Variants in HIRA observed in about 807,000 individuals in gnomAD.
HIRA encodes protein HIRA.
HIRA carries 13 observed loss-of-function variants against 126.6 expected under a neutral mutation model. The observed-to-expected ratio is 0.10, with a 90% confidence interval of 0.07 to 0.16. HIRA has a LOEUF of 0.16. Ranked by LOEUF, HIRA falls within the 10% of genes least tolerant of loss-of-function variation. The pLI, the probability that HIRA is intolerant of heterozygous loss-of-function variation, is 1.00. For synonymous variants in HIRA, 511 were observed against 520.0 expected, an observed-to-expected ratio of 0.98 and a Z score of 0.24; for missense variants, 834 against 1,314.4, an observed-to-expected ratio of 0.63 and a Z score of 5.65.
chr22:19,370,680 A>C (rs904679353), intron 15 of HIRA, among the ~76,000 whole-genome samples: 4 of 152,058 alleles, frequency 2.6e-5, no homozygotes, highest in Admixed American at 1.3e-4. Flanking sequence ...GTTTTATTTC[A>C]TTTTCCTCAT....
chr22:19,387,789 T>C lies in HIRA; in HGVS notation c.1035A>G (p.Val345=), dbSNP rs2089140195. 1 of 1,613,580 alleles carries C rather than the reference T, an allele frequency of 6.2e-7. No individual in the cohort carries two copies. The highest frequency in any genetic ancestry group is 8.5e-7 in the Non-Finnish European group (1 of 1,179,824). Residue 345 remains valine (V), a synonymous_variant, in exon 11 of 25, where the codon GTA becomes GTG. Coordinates refer to ENST00000263208, the MANE Select transcript of HIRA (RefSeq NM_003325.4). ...ATGCCACAGAGCCGTCCATAGAGCATACCAAGATGCCCAGCCCATTCAGAG... is the reference window on the plus strand; with the variant it reads ...ATGCCACAGAGCCGTCCATAGAGCACACCAAGATGCCCAGCCCATTCAGAG... ...SWTLNGLGIL[V]CSMDGSVAFL... is the part of the protein sequence containing the mutation.
At chr22:19,407,046 G>A (rs2089313870) in intron 4 of HIRA, 138 bp downstream of exon 4, 1 of 672,074 alleles carries the variant, frequency 1.5e-6, no homozygotes, top group Admixed American at 2.4e-5. Context: ...ACCTGCTCCT[G>A]ACCTACATGC....
At position 19,331,512 on chromosome 22, in the gene HIRA, G is replaced by A. The variant is rs782551775; in HGVS notation, c.2982C>T (p.Ile994=). 40 of 1,612,774 alleles carry A rather than the reference G, an allele frequency of 2.5e-5. No homozygotes were observed. Among genetic ancestry groups the A allele is most frequent in the Non-Finnish European group, 3.2e-5 (38 of 1,179,104 alleles). ...RELLKELLPV[I]GQNLRFQRLF... ...GGCGCTGGAATCGGAGGTTCTGCCC[G>A]ATGACTGGTAGCAGCTCCTTCAGCA... Residue 994 remains isoleucine (I), a synonymous_variant, in exon 25 of 25, where the codon ATC becomes ATT. Transcript: ENST00000263208.
chr22:19,407,752 C>A (rs2089319822), intron 3 of HIRA, among the ~76,000 whole-genome samples: 1 of 152,182 alleles, frequency 6.6e-6, no homozygotes, highest in Non-Finnish European at 1.5e-5. Context: ...AGCCCTGTCA[C>A]ATTCGGATTT....
chr22:19,398,189 C>T, intron 5 of HIRA, 102 bp from the exon 6 acceptor site: 3 of 790,822 alleles, frequency 3.8e-6, no homozygotes, highest in Non-Finnish European at 6.2e-6. Context: ...CATAACCACT[C>T]TGGTATTTTT....
At chr22:19,339,817 T>A (rs2088607225) in intron 24 of HIRA, among the ~76,000 whole-genome samples, 1 of 152,020 alleles carries the variant, frequency 6.6e-6, no homozygotes, top group Non-Finnish European at 1.5e-5. Flanking sequence ...CTAGATTCAT[T>A]CAGGAAAAAA....
At chr22:19,356,342 G>T in intron 19 of HIRA, 54 bp from the exon 20 acceptor site, 1 of 1,523,354 alleles carries the variant, frequency 6.6e-7, no homozygotes, top group Non-Finnish European at 9.1e-7. Context: ...ACACATCAGA[G>T]TGTGCCTTGG....
chr22:19,341,682 C>CA (rs1556007575), intron 24 of HIRA, among the ~76,000 whole-genome samples: 1 of 152,042 alleles, frequency 6.6e-6, no homozygotes, highest in Non-Finnish European at 1.5e-5. Context: ...ACAAAGCAAA[C>CA]AAAAATACAG....
intron 1 of HIRA, among the ~76,000 whole-genome samples, chr22:19,429,938 T>G (rs540449002): frequency 6.6e-6 from 1 of 152,194 alleles, no homozygotes; most frequent in Admixed American, 6.5e-5. Context: ...ACAATATTTG[T>G]CCAGTTCTCC....
chr22:19,336,982 T>G (rs1458011280), intron 24 of HIRA, among the ~76,000 whole-genome samples: 1 of 152,142 alleles, frequency 6.6e-6, no homozygotes. Context: ...CAAAACAAGG[T>G]TCTATAATAC....
chr22:19,356,284 C>T lies in HIRA; in HGVS notation c.2401G>A (p.Val801Ile), dbSNP rs2088811261. The change falls in exon 20 of 25, where the codon GTT (valine) becomes ATT (isoleucine). Residue 801 changes from valine to isoleucine, a missense_variant. Around this residue, in one of 5 missense-constraint regions of HIRA, gnomAD observed 468 missense variants for 574.2 expected, o/e 0.82. Transcript: ENST00000263208. ...TAAATLSVWD[V>I]HRQVVVVKEE... The stretch of plus-strand genomic sequence containing the variant: ...TTCACCACAACCACCTGTCTGTGAA[C>T]ATCCCTAGGAGGGAGACAGGGAACA... 1.2e-6 allele frequency: 2 copies of T among 1,613,902 alleles called. No homozygotes were observed. Among genetic ancestry groups the T allele is most frequent in the Non-Finnish European group, 1.7e-6 (2 of 1,179,850 alleles).
intron 24 of HIRA, 129 bp from the exon 25 acceptor site, chr22:19,331,685 G>C: frequency 1.2e-6 from 1 of 836,552 alleles, no homozygotes; most frequent in East Asian, 2.5e-5. Flanking sequence ...CTCTGCAGGT[G>C]AGAAACTGTG....
intron 5 of HIRA, chr22:19,399,113 T>C: frequency 1.0e-6 from 1 of 985,344 alleles, no homozygotes; most frequent in Non-Finnish European, 1.2e-6. Context: ...GTGACGATGG[T>C]GCCAACCTTG....
intron 15 of HIRA, among the ~76,000 whole-genome samples, chr22:19,375,225 G>C (rs2089006636): frequency 6.6e-6 from 1 of 152,134 alleles, no homozygotes; most frequent in African/African-American, 2.4e-5. Context: ...CTCTACCTCT[G>C]GTCAGTTTCT....
chr22:19,382,094 T>C (rs2089079026), intron 13 of HIRA, among the ~76,000 whole-genome samples: 1 of 152,260 alleles, frequency 6.6e-6, no homozygotes, highest in African/African-American at 2.4e-5. Flanking sequence ...TTATGCTTTT[T>C]CTCTTCTTTC....
In HIRA at chr22:19,360,609, C is replaced by T. The variant is rs997914116; in HGVS notation, c.2085+628G>A. Among the ~76,000 whole-genome samples the T allele has an allele frequency of 1.2e-4, 19 of 152,246 alleles. 2 individuals carry two copies. The highest frequency in any genetic ancestry group is 3.4e-3 in the Middle Eastern group (1 of 294). ...GGTCCAAGAAGGCTGCTCGAGGACA[C>T]GCACCTGAGCTGAGGTACAAGGGTA... On this transcript the variant is annotated intron_variant, in intron 17 of 24. Coordinates refer to ENST00000263208, the MANE Select transcript of HIRA (RefSeq NM_003325.4).
chr22:19,353,939 C>T lies in HIRA; in HGVS notation c.2684+57G>A, dbSNP rs2088784739. The T allele has an allele frequency of 4.4e-6, 7 of 1,593,544 alleles. No homozygotes were observed. The Admixed American group carries it at 8.6e-5, about 20-fold the overall frequency. ...GGCAGGGACTGTGCGTGCACTGACCCAGGCACTTCCCCAGGGCAGGACTAA... is the reference window on the plus strand; with the variant it reads ...GGCAGGGACTGTGCGTGCACTGACCTAGGCACTTCCCCAGGGCAGGACTAA... On this transcript the variant is annotated intron_variant, in intron 22 of 24. Coordinates refer to ENST00000263208, the MANE Select transcript of HIRA (RefSeq NM_003325.4).
intron 24 of HIRA, among the ~76,000 whole-genome samples, chr22:19,342,258 A>G (rs1387857088): frequency 6.6e-6 from 1 of 152,168 alleles, no homozygotes; most frequent in Non-Finnish European, 1.5e-5. Flanking sequence ...ATGACATACC[A>G]CCTTACTCCT....
At chr22:19,427,253 T>C (rs982325418) in intron 1 of HIRA, among the ~76,000 whole-genome samples, 1 of 152,188 alleles carries the variant, frequency 6.6e-6, no homozygotes, top group African/African-American at 2.4e-5. Context: ...TCTCTAGACA[T>C]TGCCCTGTAG....
Sources: gnomAD v4.1 joint callset for allele counts (sites outside exome capture counted in the v4.1 genomes callset) on GRCh38, gnomAD v4.1.1 for gene constraint, gnomAD v4.1.1 regional missense constraint, MANE v1.5 for transcripts, NCBI Gene and HGNC (gene_info 2026-07-23, HGNC 2026-07-21) for gene names.